The following MAML3 variants were observed in gnomAD, a reference collection of about 807,000 sequenced individuals.
MAML3 encodes the protein mastermind-like protein 3.
MAML3 carries 27 observed loss-of-function variants against 101.9 expected under a neutral mutation model. That is an observed-to-expected ratio of 0.27 (90% CI 0.20 to 0.37). The LOEUF (loss-of-function observed/expected upper bound fraction) is 0.37, where lower values mean the gene tolerates loss of function less well. Among genes scored for constraint, MAML3 ranks in the 10% least tolerant of loss-of-function variants. The pLI, the probability that MAML3 is intolerant of heterozygous loss-of-function variation, is 1.00. For missense variants in MAML3, 1,316 were observed against 1,444.9 expected, an observed-to-expected ratio of 0.91 and a Z score of 1.45; for synonymous variants, 501 against 555.9, an observed-to-expected ratio of 0.90 and a Z score of 1.39.
intron 1 of MAML3, among the ~76,000 whole-genome samples, chr4:139,901,971 A>T (rs567359251): frequency 1.3e-5 from 2 of 152,342 alleles, no homozygotes; most frequent in East Asian, 3.9e-4. Flanking sequence ...CAGGATGCGA[A>T]CAGCCAGGGT....
chr4:139,909,572 C>T (rs779894376), intron 1 of MAML3, among the ~76,000 whole-genome samples: 7 of 152,084 alleles, frequency 4.6e-5, no homozygotes, highest in Non-Finnish European at 8.8e-5. Flanking sequence ...AAACCAGGTG[C>T]GGTGGCCCGC....
At chr4:140,145,943 G>A (rs1395258661) in intron 1 of MAML3, among the ~76,000 whole-genome samples, 3 of 118,910 alleles carry the variant, frequency 2.5e-5, no homozygotes, top group Non-Finnish European at 3.3e-5. Context: ...GCACAATCTC[G>A]GCTCACTGCA....
intron 2 of MAML3, among the ~76,000 whole-genome samples, chr4:139,852,893 C>T (rs1731583992): frequency 6.6e-6 from 1 of 152,184 alleles, no homozygotes. Context: ...CTTTGTTTCC[C>T]TTTACCAGTT....
At chr4:139,968,345 A>G (rs1456117980) in intron 1 of MAML3, among the ~76,000 whole-genome samples, 2 of 151,806 alleles carry the variant, frequency 1.3e-5, no homozygotes, top group African/African-American at 4.8e-5. Context: ...AAAAAAAAAG[A>G]ATCTGTGAAG....
At chr4:139,757,403 A>G (rs1729675297) in intron 2 of MAML3, among the ~76,000 whole-genome samples, 1 of 152,008 alleles carries the variant, frequency 6.6e-6, no homozygotes, top group African/African-American at 2.4e-5. Context: ...TAATCCCAGC[A>G]CTTTGGGATG....
chr4:139,843,031 A>G (rs1731389898), intron 2 of MAML3, among the ~76,000 whole-genome samples: 1 of 151,746 alleles, frequency 6.6e-6, no homozygotes, highest in Admixed American at 6.6e-5. Flanking sequence ...TCCGCCTACC[A>G]CAGCCTCCCA....
intron 2 of MAML3, among the ~76,000 whole-genome samples, chr4:139,888,078 G>A (rs1357179658): frequency 6.6e-6 from 1 of 152,152 alleles, no homozygotes; most frequent in Non-Finnish European, 1.5e-5. Flanking sequence ...AGGTTTGGGG[G>A]TTGTAAGGCT....
At chr4:140,045,446 T>C (rs576579812) in intron 1 of MAML3, among the ~76,000 whole-genome samples, 11 of 152,160 alleles carry the variant, frequency 7.2e-5, no homozygotes, top group Admixed American at 5.9e-4. Context: ...TAGTGCCTGT[T>C]TTTGTTTGTT....
At chr4:139,956,707 A>C (rs1733923602) in intron 1 of MAML3, among the ~76,000 whole-genome samples, 1 of 152,166 alleles carries the variant, frequency 6.6e-6, no homozygotes, top group Non-Finnish European at 1.5e-5. Flanking sequence ...GGTCGTACCA[A>C]TCTATTCTTG....
chr4:139,739,229 T>C (rs1156967294), intron 2 of MAML3, among the ~76,000 whole-genome samples: 1 of 152,170 alleles, frequency 6.6e-6, no homozygotes, highest in Non-Finnish European at 1.5e-5. Context: ...GAGCTGACCC[T>C]CTGCTGAATG....
chr4:140,032,451 T>C (rs1726922328), intron 1 of MAML3, among the ~76,000 whole-genome samples: 1 of 152,218 alleles, frequency 6.6e-6, no homozygotes, highest in Non-Finnish European at 1.5e-5. Context: ...GAAAGTGAAA[T>C]TGTTAATTGG....
intron 1 of MAML3, among the ~76,000 whole-genome samples, chr4:140,152,560 G>A (rs899858764): frequency 1.3e-5 from 2 of 151,704 alleles, no homozygotes; most frequent in African/African-American, 4.8e-5. Flanking sequence ...GGGAAGGGGG[G>A]AAACTTTTCC....
intron 1 of MAML3, among the ~76,000 whole-genome samples, chr4:140,037,754 C>T (rs748870981): frequency 5.9e-5 from 9 of 152,180 alleles, no homozygotes; most frequent in Non-Finnish European, 1.0e-4. Context: ...CCCTAAGGTA[C>T]GTGTATTTCA....
In MAML3 at chr4:140,058,569, T is replaced by C. The variant is rs577839815; in HGVS notation, c.468+94291A>G. ...TATATTGTTAGATATAATACATGTA[T>C]ATATATATATATGGCATTATTGTTA... On this transcript the variant is annotated intron_variant, in intron 1 of 4. Transcript: ENST00000509479. 1.1e-3 allele frequency among the ~76,000 whole-genome samples: 21 copies of C among 19,234 alleles called. No individual in the cohort carries two copies. In the South Asian group the frequency reaches 0.018, roughly 17 times the overall value. 12.6% of individuals were successfully genotyped at this position (19,234 alleles called of 152,430 possible).
intron 1 of MAML3, among the ~76,000 whole-genome samples, chr4:139,895,794 G>A (rs951590833): frequency 6.6e-6 from 1 of 152,202 alleles, no homozygotes; most frequent in African/African-American, 2.4e-5. Context: ...TAGAACAGCA[G>A]AGGCTAGATC....
At chr4:139,752,074 G>A (rs1578581673) in intron 2 of MAML3, among the ~76,000 whole-genome samples, 1 of 152,092 alleles carries the variant, frequency 6.6e-6, no homozygotes, top group South Asian at 2.1e-4. Context: ...TTTGGGATTC[G>A]AATTCTAACT....
At chr4:139,850,644 G>A (rs996113433) in intron 2 of MAML3, among the ~76,000 whole-genome samples, 7 of 135,132 alleles carry the variant, frequency 5.2e-5, no homozygotes, top group African/African-American at 1.3e-4. Context: ...AACGACCCTC[G>A]ATCCTCCCAC....
At chr4:140,120,228 C>T (rs1282931180) in intron 1 of MAML3, among the ~76,000 whole-genome samples, 4 of 102,356 alleles carry the variant, frequency 3.9e-5, no homozygotes, top group African/African-American at 1.6e-4. Flanking sequence ...CAGAGCGAGA[C>T]TCCGTCTCAA....
chr4:139,759,698 A>G (rs1335729773), intron 2 of MAML3, among the ~76,000 whole-genome samples: 1 of 152,160 alleles, frequency 6.6e-6, no homozygotes, highest in East Asian at 1.9e-4. Context: ...CATTATTTTA[A>G]TATTTTTGGG....
Sources: allele counts gnomAD v4.1 joint callset (sites outside exome capture counted in the v4.1 genomes callset), GRCh38; gene constraint gnomAD v4.1.1; transcripts MANE v1.5; gene names NCBI Gene and HGNC (gene_info 2026-07-23, HGNC 2026-07-21).